The following TANGO6 variants were observed in gnomAD, a reference collection of about 807,000 sequenced individuals.
TANGO6 encodes transport and Golgi organization protein 6 homolog.
Under a neutral mutation model 114.2 loss-of-function variants are expected in TANGO6, and 90 were observed. The observed-to-expected ratio is 0.79, with a 90% CI of 0.66 to 0.94. The LOEUF is 0.94. Among genes scored for constraint, TANGO6 ranks in the 40% least tolerant of loss-of-function variants. TANGO6 has a pLI of 0.00. For synonymous variants in TANGO6, 477 were observed against 509.8 expected, an observed-to-expected ratio of 0.94 and a Z score of 0.87; for missense variants, 1,274 against 1,315.3, an observed-to-expected ratio of 0.97 and a Z score of 0.49.
intron 1 of TANGO6, among the ~76,000 whole-genome samples, chr16:68,859,146 G>A (rs748351296): frequency 1.3e-5 from 2 of 152,158 alleles, no homozygotes; most frequent in African/African-American, 2.4e-5. Context: ...CCATGAGGAA[G>A]AGCCTTTGTT....
At chr16:69,069,227 A>T (rs577692993) in intron 17 of TANGO6, among the ~76,000 whole-genome samples, 1 of 152,244 alleles carries the variant, frequency 6.6e-6, no homozygotes, top group Non-Finnish European at 1.5e-5. Context: ...TGCCTCCCCA[A>T]CAGGGTGTGA....
At chr16:69,061,384 A>G (rs1460881899) in intron 17 of TANGO6, among the ~76,000 whole-genome samples, 1 of 151,666 alleles carries the variant, frequency 6.6e-6, no homozygotes, top group Non-Finnish European at 1.5e-5. Context: ...TGGCCAACAT[A>G]GTGAAACCAT....
At chr16:68,986,707 C>T (rs1230214077) in intron 15 of TANGO6, among the ~76,000 whole-genome samples, 3 of 152,038 alleles carry the variant, frequency 2.0e-5, no homozygotes, top group African/African-American at 7.2e-5. Flanking sequence ...GAGTTCAAGA[C>T]CTGCCTGGCC....
intron 14 of TANGO6, among the ~76,000 whole-genome samples, chr16:68,935,403 G>A (rs1963289927): frequency 6.6e-6 from 1 of 152,064 alleles, no homozygotes; most frequent in Admixed American, 6.5e-5. Context: ...TAGGTGGAGA[G>A]CAGAAGAGAA....
rs114856401 is a variant in TANGO6 at position 68,860,560 on chromosome 16, G to T, written c.735+36G>T. 1.4e-3 allele frequency: 2,224 copies of T among 1,598,148 alleles called. 31 individuals are homozygous for T. The African/African-American group carries it at 0.024, about 17-fold the overall frequency. On this transcript the variant is annotated intron_variant, in intron 2 of 17. Transcript: ENST00000261778. ...ATTGAGAAAGAGAGAGGGAGAGATT[G>T]TGTGTGTATGAATGTGTGTATATAT...
At chr16:69,027,400 C>T (rs762042236) in intron 16 of TANGO6, among the ~76,000 whole-genome samples, 5 of 152,020 alleles carry the variant, frequency 3.3e-5, no homozygotes, top group African/African-American at 4.8e-5. Context: ...TGAGGGATCA[C>T]CAGGGACAGC....
chr16:68,877,011 A>C (rs988003541), intron 5 of TANGO6, among the ~76,000 whole-genome samples: 3 of 152,196 alleles, frequency 2.0e-5, no homozygotes, highest in Non-Finnish European at 2.9e-5. Flanking sequence ...GTCTTTGTAC[A>C]TAACTACCAG....
At chr16:68,992,476 A>G (rs976027159) in intron 15 of TANGO6, among the ~76,000 whole-genome samples, 3 of 152,214 alleles carry the variant, frequency 2.0e-5, no homozygotes, top group Admixed American at 2.0e-4. Context: ...AGTGTCTTTC[A>G]TGGTAAGGGG....
At chr16:68,878,830 T>C (rs1355869012) in intron 6 of TANGO6, among the ~76,000 whole-genome samples, 1 of 151,834 alleles carries the variant, frequency 6.6e-6, no homozygotes, top group African/African-American at 2.4e-5. Context: ...CTCAGCACTT[T>C]GGGAGGCTTA....
chr16:69,054,322 G>T (rs562944247), intron 17 of TANGO6, among the ~76,000 whole-genome samples: 44 of 152,336 alleles, frequency 2.9e-4, no homozygotes, highest in African/African-American at 9.9e-4. Flanking sequence ...TTACCTGGAT[G>T]CAGAGAGTAG....
At chr16:68,896,016 C>A (rs966901321) in intron 7 of TANGO6, among the ~76,000 whole-genome samples, 2 of 151,886 alleles carry the variant, frequency 1.3e-5, no homozygotes, top group African/African-American at 4.8e-5. Flanking sequence ...CACTCTGTCA[C>A]CCAGGCTGGA....
intron 14 of TANGO6, among the ~76,000 whole-genome samples, chr16:68,932,205 C>G (rs1225911849): frequency 1.1e-4 from 17 of 152,182 alleles, no homozygotes. Context: ...ATTCTCCTGC[C>G]TCAGCCTCCC....
intron 17 of TANGO6, among the ~76,000 whole-genome samples, chr16:69,046,971 G>C (rs904561602): frequency 2.7e-5 from 4 of 147,000 alleles, no homozygotes; most frequent in Admixed American, 1.4e-4. Context: ...ACCTGAGGTC[G>C]GGAGTTCGAG....
rs745555918 is a variant in TANGO6 at position 68,843,653 on chromosome 16, G to A, written c.36G>A (p.Gln12=). The A allele has an allele frequency of 1.9e-6, 3 of 1,613,754 alleles. No homozygotes were observed. The highest frequency in any genetic ancestry group is 2.5e-6 in the Non-Finnish European group (3 of 1,179,742). The change falls in exon 1 of 18, where the codon CAG becomes CAA. Residue 12 remains glutamine (Q), a synonymous_variant. Coordinates refer to ENST00000261778, the MANE Select transcript of TANGO6 (RefSeq NM_024562.2). ...GACAGGCCGTGGGCAGCGGGGCTCA[G>A]GAGACATGCGGTCTGGATCGGATTT... The part of the protein sequence containing the change: ...AARQAVGSGA[Q]ETCGLDRILE...
chr16:68,895,556 A>C (rs1178443050), intron 7 of TANGO6, among the ~76,000 whole-genome samples: 1 of 152,182 alleles, frequency 6.6e-6, no homozygotes, highest in Non-Finnish European at 1.5e-5. Context: ...ATATTCCTGG[A>C]CCAATTATAT....
At chr16:68,919,005 G>A in intron 11 of TANGO6, 80 bp from the exon 12 acceptor site, 1 of 1,481,930 alleles carries the variant, frequency 6.7e-7, no homozygotes, top group Non-Finnish European at 9.1e-7. Flanking sequence ...AGAAGATGAG[G>A]ATGTAGACAT....
Position 68,980,427 on chromosome 16 carries a change from ATATATATATT to A in TANGO6, c.2842+6261_2842+6270del, listed in dbSNP as rs1346806983. 3.7e-5 allele frequency among the ~76,000 whole-genome samples: 2 copies of A among 54,646 alleles called. 1 individual carries two copies. Among genetic ancestry groups the A allele is most frequent in the East Asian group, 1.1e-3 (2 of 1,882 alleles). 35.8% of individuals were successfully genotyped at this position (54,646 alleles called of 152,430 possible). A position where few individuals can be genotyped will look rare whatever the true frequency, so the allele number is the denominator to read the frequency against. ...TCTCTCTCTATATATATATATATAT[ATATATATATT>A]TTTTTTTTTTTTTTTGAGATAGGGT... On this transcript the variant is annotated intron_variant, in intron 15 of 17. Coordinates refer to ENST00000261778, the MANE Select transcript of TANGO6 (RefSeq NM_024562.2).
chr16:69,033,910 C>A, intron 16 of TANGO6: 1 of 171,106 alleles, frequency 5.8e-6, no homozygotes, highest in East Asian at 1.3e-4. Flanking sequence ...TCTCCCTGCC[C>A]ATCGAGGAGT....
At chr16:69,003,233 T>G (rs1964060842) in intron 15 of TANGO6, among the ~76,000 whole-genome samples, 1 of 152,092 alleles carries the variant, frequency 6.6e-6, no homozygotes, top group Non-Finnish European at 1.5e-5. Flanking sequence ...GGCAAGCAGT[T>G]TTTATAAGAT....
Sources: gnomAD v4.1 joint callset for allele counts (sites outside exome capture counted in the v4.1 genomes callset) on GRCh38, gnomAD v4.1.1 for gene constraint, MANE v1.5 for transcripts, NCBI Gene and HGNC (gene_info 2026-07-23, HGNC 2026-07-21) for gene names.